The following CERT1 variants were observed in gnomAD, a reference collection of about 807,000 sequenced individuals.
CERT1 encodes the protein ceramide transporter 1, also known as ceramide transfer protein.
In CERT1, 31 loss-of-function variants were observed where a neutral mutation model predicts 87.9. The observed-to-expected ratio is 0.35, with a 90% CI of 0.27 to 0.48. The LOEUF is 0.48. Ranked by LOEUF, CERT1 falls within the 20% of genes least tolerant of loss-of-function variation. The probability of loss-of-function intolerance (pLI) is 0.99; values close to 1 mark genes in which losing one functional copy is unlikely to be tolerated. For synonymous variants in CERT1, 289 were observed against 250.9 expected (o/e 1.15, Z -1.44); for missense variants, 487 against 758.0 (o/e 0.64, Z 4.20).
At chr5:75,387,579 T>C (rs1761849368) in intron 12 of CERT1, among the ~76,000 whole-genome samples, 1 of 151,806 alleles carries the variant, frequency 6.6e-6, no homozygotes, top group African/African-American at 2.4e-5. Flanking sequence ...CCATTTCTAC[T>C]AAAAATACAA....
chr5:75,484,511 A>T (rs981084418), intron 2 of CERT1, among the ~76,000 whole-genome samples: 3 of 151,798 alleles, frequency 2.0e-5, no homozygotes, highest in African/African-American at 7.3e-5. Flanking sequence ...CAAGAAATAC[A>T]CGTCATCTAT....
intron 8 of CERT1, among the ~76,000 whole-genome samples, chr5:75,405,680 C>A (rs189092227): frequency 1.3e-5 from 2 of 152,040 alleles, no homozygotes; most frequent in African/African-American, 4.8e-5. Context: ...GGTTTATATA[C>A]AATAAGATAT....
intron 3 of CERT1, among the ~76,000 whole-genome samples, chr5:75,455,433 T>G (rs940076201): frequency 4.6e-5 from 7 of 152,062 alleles, no homozygotes; most frequent in Non-Finnish European, 1.0e-4. Context: ...GGTAAAAATG[T>G]GTTGATTGTA....
intron 7 of CERT1, among the ~76,000 whole-genome samples, chr5:75,414,834 A>G (rs1763074360): frequency 6.6e-6 from 1 of 152,092 alleles, no homozygotes; most frequent in African/African-American, 2.4e-5. Context: ...TTGAGAGACT[A>G]TTTCCTGCTC....
chr5:75,389,403 T>G (rs1343180949), intron 12 of CERT1, among the ~76,000 whole-genome samples, 189 bp downstream of exon 12: 7 of 152,190 alleles, frequency 4.6e-5, no homozygotes, highest in African/African-American at 1.7e-4. Context: ...ATAAAAACCT[T>G]TAGTAAAGGC....
At chr5:75,463,129 T>C (rs959695706) in intron 2 of CERT1, among the ~76,000 whole-genome samples, 2 of 150,408 alleles carry the variant, frequency 1.3e-5, no homozygotes, top group African/African-American at 2.5e-5. Context: ...CATGAAAATA[T>C]AACATACATA....
chr5:75,387,821 T>C (rs7356637), intron 12 of CERT1, among the ~76,000 whole-genome samples: 52,308 of 152,084 alleles, frequency 0.34, 10,718 homozygotes, highest in African/African-American at 0.58. Context: ...TAGACAACGA[T>C]TGTTCTCTTT....
chr5:75,493,898 C>A (rs1227529733), intron 2 of CERT1, among the ~76,000 whole-genome samples: 8 of 151,910 alleles, frequency 5.3e-5, no homozygotes, highest in Admixed American at 2.0e-4. Flanking sequence ...ATAATTCTAC[C>A]TTCTAACTCT....
At chr5:75,491,386 T>A (rs1046622957) in intron 2 of CERT1, among the ~76,000 whole-genome samples, 28 of 152,208 alleles carry the variant, frequency 1.8e-4, no homozygotes, top group African/African-American at 6.5e-4. Context: ...AAGTTAGACA[T>A]TCAGAAGTGT....
At chr5:75,488,266 T>G (rs1303675245) in intron 2 of CERT1, among the ~76,000 whole-genome samples, 1 of 152,072 alleles carries the variant, frequency 6.6e-6, no homozygotes, top group East Asian at 1.9e-4. Context: ...CACGATGTGA[T>G]TATTACACAC....
chr5:75,389,532 T>G (rs1225945961), intron 12 of CERT1, 60 bp downstream of exon 12: 20 of 1,254,084 alleles, frequency 1.6e-5, no homozygotes, highest in Non-Finnish European at 2.3e-5. Flanking sequence ...TCAATAGTAA[T>G]GATAATATGA....
At chr5:75,423,090 G>T (rs1763455015) in intron 5 of CERT1, among the ~76,000 whole-genome samples, 1 of 152,132 alleles carries the variant, frequency 6.6e-6, no homozygotes, top group African/African-American at 2.4e-5. Flanking sequence ...TCTTCAATTT[G>T]CTATTTATTT....
chr5:75,504,732 T>C (rs1251352124), intron 2 of CERT1, among the ~76,000 whole-genome samples: 4 of 151,466 alleles, frequency 2.6e-5, no homozygotes, highest in African/African-American at 7.3e-5. Context: ...TCTATTTAAC[T>C]GTCTGGCCTT....
At chr5:75,394,315 C>T (rs1580709776) in intron 11 of CERT1, among the ~76,000 whole-genome samples, 2 of 151,850 alleles carry the variant, frequency 1.3e-5, no homozygotes, top group Non-Finnish European at 2.9e-5. Context: ...CAAGACCAGC[C>T]TAGGCAACAC....
At chr5:75,397,444 T>C (rs1282508928) in intron 11 of CERT1, among the ~76,000 whole-genome samples, 2 of 152,246 alleles carry the variant, frequency 1.3e-5, no homozygotes, top group South Asian at 4.1e-4. Context: ...CTCAGTGATA[T>C]AGTTACCTGG....
At chr5:75,383,838 T>C (rs1330138250) in intron 14 of CERT1, among the ~76,000 whole-genome samples, 1 of 152,216 alleles carries the variant, frequency 6.6e-6, no homozygotes, top group Non-Finnish European at 1.5e-5. Context: ...CCTTTTATTA[T>C]GCTATACACA....
intron 3 of CERT1, among the ~76,000 whole-genome samples, chr5:75,429,230 C>T (rs890377023): frequency 3.3e-5 from 5 of 150,466 alleles, no homozygotes; most frequent in African/African-American, 1.2e-4. Flanking sequence ...GACAGAGTCT[C>T]ACTGTCTCTT....
upstream of CERT1, chr5:75,511,954 C>G: frequency 1.3e-6 from 1 of 798,108 alleles, no homozygotes; most frequent in Admixed American, 3.0e-5. Context: ...CCCTTGGGGC[C>G]TTGTCAGTCG....
chr5:75,428,168 TAATA>T (rs992008914), intron 3 of CERT1, among the ~76,000 whole-genome samples: 126 of 152,264 alleles, frequency 8.3e-4, no homozygotes, highest in African/African-American at 3.0e-3. Flanking sequence ...ATGGTTTAAT[TAATA>T]AATAAAAGTT....
Sources: allele counts gnomAD v4.1 joint callset (sites outside exome capture counted in the v4.1 genomes callset), GRCh38; gene constraint gnomAD v4.1.1; transcripts MANE v1.5; gene names NCBI Gene and HGNC (gene_info 2026-07-23, HGNC 2026-07-21).